ANKRD11: variants seen among roughly 807,000 people sequenced by gnomAD.
The protein encoded by ANKRD11 is ankyrin repeat domain-containing protein 11.
ANKRD11 carries 17 observed loss-of-function variants against 195.7 expected under a neutral mutation model. The observed-to-expected ratio is 0.09, with a 90% CI of 0.06 to 0.13. ANKRD11 has a LOEUF of 0.13. Among genes scored for constraint, ANKRD11 ranks in the 10% least tolerant of loss-of-function variants. The pLI, the probability that ANKRD11 is intolerant of heterozygous loss-of-function variation, is 1.00. For synonymous variants in ANKRD11, 1,953 were observed against 1,528.1 expected, an observed-to-expected ratio of 1.28 and a Z score of -6.49; for missense variants, 3,735 against 3,566.1, an observed-to-expected ratio of 1.05 and a Z score of -1.21.
intron 1 of ANKRD11, among the ~76,000 whole-genome samples, chr16:89,438,589 T>G (rs1295081795): frequency 6.6e-6 from 1 of 152,090 alleles, no homozygotes; most frequent in Non-Finnish European, 1.5e-5. Flanking sequence ...CACCTGGGCC[T>G]CCCAAAGTGC....
intron 1 of ANKRD11, among the ~76,000 whole-genome samples, chr16:89,423,127 C>T (rs1428271796): frequency 3.3e-5 from 5 of 152,234 alleles, no homozygotes; most frequent in Non-Finnish European, 4.4e-5. Flanking sequence ...AGCTCCCTCC[C>T]GTGAGCCACC....
At chr16:89,269,309 G>A (rs1017186275) in intron 12 of ANKRD11, among the ~76,000 whole-genome samples, 3 of 152,054 alleles carry the variant, frequency 2.0e-5, no homozygotes, top group Admixed American at 6.6e-5. Flanking sequence ...GTGCTACCAC[G>A]CCTAGCTGAT....
intron 1 of ANKRD11, among the ~76,000 whole-genome samples, chr16:89,425,166 T>G (rs1272824258): frequency 1.3e-5 from 2 of 152,160 alleles, no homozygotes; most frequent in East Asian, 3.9e-4. Flanking sequence ...CACTTTATCC[T>G]CACAATAATC....
intron 4 of ANKRD11, chr16:89,301,323 G>A: frequency 2.6e-6 from 1 of 385,212 alleles, no homozygotes; most frequent in Non-Finnish European, 4.6e-6. Context: ...AGACAAAGTA[G>A]TATCATTTGA....
At chr16:89,406,416 G>A (rs547485520) in intron 2 of ANKRD11, among the ~76,000 whole-genome samples, 89 of 152,290 alleles carry the variant, frequency 5.8e-4, no homozygotes, top group Admixed American at 3.5e-3. Context: ...TGAGACTTGC[G>A]GTCAGTCCTA....
At chr16:89,380,037 A>G (rs1441335309) in intron 2 of ANKRD11, among the ~76,000 whole-genome samples, 1 of 152,188 alleles carries the variant, frequency 6.6e-6, no homozygotes, top group Admixed American at 6.5e-5. Context: ...CAATGGGTAT[A>G]TATGAAGCTC....
chr16:89,324,199 C>T (rs1167733617), intron 2 of ANKRD11: 20 of 1,179,802 alleles, frequency 1.7e-5, no homozygotes, highest in East Asian at 6.3e-5. Flanking sequence ...GCACCGAGAG[C>T]GCGTTCAGCA....
At chr16:89,341,494 A>G (rs1227185458) in intron 2 of ANKRD11, among the ~76,000 whole-genome samples, 1 of 152,178 alleles carries the variant, frequency 6.6e-6, no homozygotes, top group Admixed American at 6.5e-5. Flanking sequence ...TCGTCACCTT[A>G]GCAACGGCTC....
rs148978319 is a variant in ANKRD11 at position 89,394,745 on chromosome 16, G to T, written c.-60+23539C>A. ...ACAGGAGTCGTGTTTTATGACAAAG[G>T]CTCCATCAAGGATGCTGTAAAATTA... On this transcript the variant is annotated intron_variant, in intron 2 of 12. Coordinates refer to ENST00000301030, the MANE Select transcript of ANKRD11 (RefSeq NM_013275.6). 2.0e-4 allele frequency among the ~76,000 whole-genome samples: 31 copies of T among 152,194 alleles called. No individual in the cohort carries two copies. In the East Asian group the frequency reaches 5.6e-3, roughly 27 times the overall value.
chr16:89,352,867 CCT>C (rs1185086127), intron 2 of ANKRD11, among the ~76,000 whole-genome samples: 1 of 152,214 alleles, frequency 6.6e-6, no homozygotes, highest in African/African-American at 2.4e-5. Flanking sequence ...TTGTCCTTTC[CCT>C]CTTTTCTCTC....
At chr16:89,278,502 G>A (rs1277213072) in intron 9 of ANKRD11, 8 of 456,160 alleles carry the variant, frequency 1.8e-5, no homozygotes, top group South Asian at 1.2e-4. Context: ...CAGAGGTAGG[G>A]ATGATGCCTG....
chr16:89,382,499 G>C (rs2040704760), intron 2 of ANKRD11, among the ~76,000 whole-genome samples: 3 of 151,470 alleles, frequency 2.0e-5, no homozygotes, highest in Admixed American at 1.3e-4. Flanking sequence ...CTAATTTTTT[G>C]TATTTTTAAT....
chr16:89,287,748 C>T (rs141759357), intron 7 of ANKRD11: 14 of 172,542 alleles, frequency 8.1e-5, no homozygotes, highest in Admixed American at 1.8e-4. Context: ...ATCCACCCCC[C>T]ACCCCACCGG....
At chr16:89,292,342 C>G (rs118074249) in intron 4 of ANKRD11, among the ~76,000 whole-genome samples, 1 of 152,166 alleles carries the variant, frequency 6.6e-6, no homozygotes, top group Non-Finnish European at 1.5e-5. Flanking sequence ...CACACCTGCC[C>G]GGTCACTGGA....
chr16:89,410,193 C>A lies in ANKRD11; in HGVS notation c.-60+8091G>T, dbSNP rs557322461. Among the ~76,000 whole-genome samples the A allele has an allele frequency of 1.4e-3, 208 of 152,274 alleles. 1 individual carries two copies. Among genetic ancestry groups the A allele is most frequent in the African/African-American group, 4.7e-3 (195 of 41,562 alleles). ...TTCAGCTACAGGGCAGAATTTCACACGGAGCAGGCACCTCACAGATGCCAA... is the reference window on the plus strand; with the variant it reads ...TTCAGCTACAGGGCAGAATTTCACAAGGAGCAGGCACCTCACAGATGCCAA... On this transcript the variant is annotated intron_variant, in intron 2 of 12. Transcript: ENST00000301030.
intron 1 of ANKRD11, among the ~76,000 whole-genome samples, chr16:89,436,079 T>G (rs1026894305): frequency 3.9e-5 from 6 of 152,142 alleles, no homozygotes; most frequent in Non-Finnish European, 5.9e-5. Context: ...AAAGGAAAGA[T>G]TCCCCATTTG....
intron 1 of ANKRD11, among the ~76,000 whole-genome samples, chr16:89,445,990 AAAT>A (rs1366314778): frequency 6.7e-6 from 1 of 148,978 alleles, no homozygotes; most frequent in Non-Finnish European, 1.5e-5. Flanking sequence ...ACAAAAAAAA[AAAT>A]TTTTTGTTAA....
chr16:89,357,857 C>T (rs2039557269), intron 2 of ANKRD11, among the ~76,000 whole-genome samples: 1 of 152,246 alleles, frequency 6.6e-6, no homozygotes, highest in Non-Finnish European at 1.5e-5. Context: ...AGCCAGGGTG[C>T]TGGCTGCCCC....
intron 1 of ANKRD11, among the ~76,000 whole-genome samples, chr16:89,436,349 AG>A (rs2043215865): frequency 6.6e-6 from 1 of 152,016 alleles, no homozygotes; most frequent in African/African-American, 2.4e-5. Context: ...CAGGAGATGG[AG>A]GTTACAGTGA....
Sources: allele counts gnomAD v4.1 joint callset (sites outside exome capture counted in the v4.1 genomes callset), GRCh38; gene constraint gnomAD v4.1.1; transcripts MANE v1.5; gene names NCBI Gene and HGNC (gene_info 2026-07-23, HGNC 2026-07-21).